The following ESPN variants were observed in gnomAD, a reference collection of about 807,000 sequenced individuals.
ESPN encodes autosomal recessive deafness type 36 protein.
ESPN carries 68 observed loss-of-function variants against 77.7 expected under a neutral mutation model. The ratio of observed to expected loss-of-function variants is 0.87; its 90% confidence interval spans 0.72 to 1.07. The LOEUF (loss-of-function observed/expected upper bound fraction) is 1.07, where lower values mean the gene tolerates loss of function less well. Ranked by LOEUF, ESPN falls within the 50% of genes least tolerant of loss-of-function variation. The pLI, the probability that ESPN is intolerant of heterozygous loss-of-function variation, is 0.00. For synonymous variants in ESPN, 449 were observed against 567.1 expected, an observed-to-expected ratio of 0.79 and a Z score of 2.96; for missense variants, 1,060 against 1,239.0, an observed-to-expected ratio of 0.86 and a Z score of 2.17.
intron 8 of ESPN, among the ~76,000 whole-genome samples, chr1:6,449,537 C>T (rs1442379022): frequency 2.0e-5 from 3 of 152,176 alleles, no homozygotes; most frequent in East Asian, 3.9e-4. Flanking sequence ...TCCCCCTGCC[C>T]GTCTATCCTG....
intron 1 of ESPN, among the ~76,000 whole-genome samples, chr1:6,426,009 A>G (rs1025273439): frequency 2.6e-5 from 4 of 152,200 alleles, no homozygotes; most frequent in African/African-American, 9.6e-5. Flanking sequence ...AGGAAGGGAA[A>G]AGCTGCCAGG....
intron 2 of ESPN, among the ~76,000 whole-genome samples, chr1:6,435,583 A>G (rs1304580671): frequency 1.3e-5 from 2 of 152,216 alleles, no homozygotes; most frequent in Non-Finnish European, 2.9e-5. Flanking sequence ...GGCAAAGGGC[A>G]AGGGCTTGGT....
intron 2 of ESPN, among the ~76,000 whole-genome samples, chr1:6,430,577 A>T (rs1478006410): frequency 6.6e-6 from 1 of 152,006 alleles, no homozygotes; most frequent in Non-Finnish European, 1.5e-5. Context: ...GCCACGCGGG[A>T]CCCTCCCTCT....
At chr1:6,440,559 CA>C (rs1167041746) in intron 3 of ESPN, 66 bp from the exon 4 acceptor site, 2 of 691,594 alleles carry the variant, frequency 2.9e-6, no homozygotes, top group Non-Finnish European at 3.8e-6. Context: ...CACGGAGGTA[CA>C]GGGGGCGGGC....
intron 6 of ESPN, 140 bp downstream of exon 6, chr1:6,444,822 C>T (rs1448125889): frequency 1.8e-5 from 17 of 958,048 alleles, no homozygotes; most frequent in African/African-American, 6.5e-5. Context: ...CATGGGGAGG[C>T]GACACCCCTT....
chr1:6,441,105 C>T (rs1293381156), intron 5 of ESPN, 40 bp downstream of exon 5: 4 of 1,596,758 alleles, frequency 2.5e-6, no homozygotes, highest in South Asian at 2.3e-5. Flanking sequence ...TCTTTCTTCT[C>T]GCCCCTCCAC....
chr1:6,448,062 G>C (rs11808508), intron 7 of ESPN: 32,167 of 152,278 alleles, frequency 0.21, 7,555 homozygotes, highest in African/African-American at 0.59. Flanking sequence ...CGCAGGTGTC[G>C]GGTCCTGCCG....
rs757632768 is a variant in ESPN at position 6,445,783 on chromosome 1, C to T, written c.1312C>T (p.Pro438Ser). The T allele has an allele frequency of 4.3e-6, 3 of 705,416 alleles. No homozygotes were observed. The highest frequency in any genetic ancestry group is 6.4e-5 in the East Asian group (1 of 15,696). The allele number at this position is 705,416 out of a possible 1,614,324, so 43.7% of individuals were successfully genotyped here. ...ACCCCCACCACCCCCACCCAGCTTC[C>T]CCCCGCCACCCCCGCCCCCAGGCAC... is the stretch of plus-strand genomic sequence containing the variant. ...PTPPPPPPSF[P>S]PPPPPPGTQL... The change falls in exon 7 of 13, where the codon CCC becomes TCC. Residue 438 changes from proline (P) to serine (S), a missense_variant. Coordinates refer to ENST00000645284, the MANE Select transcript of ESPN (RefSeq NM_031475.3).
chr1:6,454,972 C>A (rs879542402), intron 10 of ESPN: 1 of 380,706 alleles, frequency 2.6e-6, no homozygotes, highest in Non-Finnish European at 4.7e-6. Context: ...CTCCGCGCCA[C>A]CTACGAGCTG....
intron 2 of ESPN, among the ~76,000 whole-genome samples, chr1:6,435,971 C>T (rs747444689): frequency 6.6e-5 from 10 of 152,212 alleles, no homozygotes; most frequent in Non-Finnish European, 1.2e-4. Flanking sequence ...GACTGTGGCA[C>T]AGCTCAAAGG....
In ESPN at chr1:6,445,742, C is replaced by G. The variant is rs151282764; in HGVS notation, c.1271C>G (p.Thr424Arg). Residue 424 changes from threonine (T) to arginine (R), a missense_variant, in exon 7 of 13, where the codon ACG (threonine) becomes AGG (arginine). By Grantham distance (71) the Thr-to-Arg change is moderately conservative. This residue lies in a region of ESPN where 556 missense variants were observed against 633.6 expected (regional missense o/e 0.88). Transcript: ENST00000645284. ...CCGGAGCTGGGCCTGCCTCGGGGCA[C>G]GATTGGGAAGCCCACACCCCCACCA... The part of the protein sequence containing the change: ...LNPELGLPRG[T>R]IGKPTPPPPP... 6.2e-7 allele frequency: 1 copy of G among 1,606,896 alleles called. No homozygotes were observed. Among genetic ancestry groups the G allele is most frequent in the Admixed American group, 1.7e-5 (1 of 59,764 alleles).
At position 6,428,310 on chromosome 1, in the gene ESPN, G is replaced by A; in HGVS notation, c.379G>A (p.Gly127Ser). 6.2e-7 allele frequency: 1 copy of A among 1,613,094 alleles called. No homozygotes were observed. The highest frequency in any genetic ancestry group is 8.5e-7 in the Non-Finnish European group (1 of 1,179,950). Residue 127 changes from glycine (G) to serine (S), a missense_variant, in exon 2 of 13, where the codon GGC becomes AGC. Transcript: ENST00000645284. The surrounding 1 kb of genome is among the most constrained non-coding windows in gnomAD (Gnocchi z 5.4). The part of the protein sequence containing the change: ...PEVVNWLLHH[G>S]GGDPTAATDM... ...GGTGGTGAACTGGCTCTTGCATCATGGCGGTGGGGACCCCACCGCGGCCAC... is the reference window on the plus strand; with the variant it reads ...GGTGGTGAACTGGCTCTTGCATCATAGCGGTGGGGACCCCACCGCGGCCAC...
downstream of ESPN, chr1:6,461,135 A>G (rs1317607736): frequency 3.2e-6 from 2 of 626,040 alleles, no homozygotes; most frequent in Non-Finnish European, 6.1e-6. The surrounding 1 kb of genome is among the most constrained non-coding windows in gnomAD (Gnocchi z 6.3). Context: ...AGCCCCGCAG[A>G]AACGCCAAGA....
chr1:6,426,622 G>A (rs1643045026), intron 1 of ESPN, among the ~76,000 whole-genome samples: 2 of 152,188 alleles, frequency 1.3e-5, no homozygotes, highest in Non-Finnish European at 1.5e-5. Context: ...GAGCCCACAG[G>A]CCTGTGGCCC....
intron 2 of ESPN, 145 bp from the exon 3 acceptor site, chr1:6,440,109 C>G (rs1378946063): frequency 3.4e-6 from 3 of 875,070 alleles, no homozygotes; most frequent in Non-Finnish European, 5.5e-6. Context: ...GGGAGCCCCC[C>G]GGGCAGCAGC....
chr1:6,425,289 C>T, intron 1 of ESPN, 40 bp downstream of exon 1: 2 of 1,556,854 alleles, frequency 1.3e-6, no homozygotes, highest in Non-Finnish European at 1.7e-6. Context: ...GAGGCTTCCT[C>T]CTCAGGACAG....
At chr1:6,453,263 C>T (rs904728730) in intron 10 of ESPN, among the ~76,000 whole-genome samples, 113 of 152,368 alleles carry the variant, frequency 7.4e-4, no homozygotes, top group African/African-American at 2.7e-3. Context: ...ATATCAAGGC[C>T]TGCTCTAAGG....
At position 6,427,004 on chromosome 1, in the gene ESPN, G is replaced by A. The variant is rs1020476758; in HGVS notation, c.295-1222G>A. On this transcript the variant is annotated intron_variant, in intron 1 of 12. Transcript: ENST00000645284. This position sits in a 1 kb window ranked among gnomAD's most constrained non-coding sequence, Gnocchi z 4.6. ...GCCTGAAGACCCTACTAGTGGCCCC[G>A]GCGCCCCCAGCTCCCTCCGTGCCCT... is the stretch of plus-strand genomic sequence containing the variant. 2.6e-5 allele frequency among the ~76,000 whole-genome samples: 4 copies of A among 151,952 alleles called. No individual in the cohort carries two copies. The highest frequency in any genetic ancestry group is 7.3e-5 in the African/African-American group (3 of 41,352).
intron 12 of ESPN, among the ~76,000 whole-genome samples, 194 bp from the exon 13 acceptor site, chr1:6,459,805 C>A (rs1051179345): frequency 3.9e-5 from 6 of 152,206 alleles, no homozygotes; most frequent in African/African-American, 1.4e-4. Flanking sequence ...TCACCCAGCT[C>A]CCCTGTGCTC....
Sources: allele counts gnomAD v4.1 joint callset (sites outside exome capture counted in the v4.1 genomes callset), GRCh38; gene constraint gnomAD v4.1.1; regional missense constraint gnomAD v4.1.1; non-coding constraint Gnocchi (gnomAD v3.1); transcripts MANE v1.5; gene names NCBI Gene and HGNC (gene_info 2026-07-23, HGNC 2026-07-21).